The following TLN2 variants were observed in gnomAD, a reference collection of about 807,000 sequenced individuals.
TLN2 encodes talin 2.
A neutral mutation model predicts 294.7 loss-of-function variants in TLN2; 118 were observed. The ratio of observed to expected loss-of-function variants is 0.40; its 90% confidence interval spans 0.34 to 0.47. The LOEUF is 0.47. TLN2 is among the 20% of genes least tolerant of loss of function. The probability of loss-of-function intolerance (pLI) is 0.84; values close to 1 mark genes in which losing one functional copy is unlikely to be tolerated. For missense variants in TLN2, 3,083 were observed against 3,282.2 expected, an observed-to-expected ratio of 0.94 and a Z score of 1.48; for synonymous variants, 1,431 against 1,304.5, an observed-to-expected ratio of 1.10 and a Z score of -2.09.
intron 1 of TLN2, among the ~76,000 whole-genome samples, chr15:62,520,592 G>A (rs1442442901): frequency 6.6e-6 from 1 of 152,206 alleles, no homozygotes; most frequent in Non-Finnish European, 1.5e-5. Flanking sequence ...GGGACACTAA[G>A]TCAACCTTTT....
chr15:62,675,142 C>T lies in TLN2; in HGVS notation c.853-75C>T, dbSNP rs772685775. The T allele has an allele frequency of 9.8e-5, 133 of 1,361,026 alleles. 3 individuals carry two copies. The Admixed American group carries it at 1.4e-3, about 15-fold the overall frequency. The allele number at this position is 1,361,026 out of a possible 1,614,324, so 84.3% of individuals were successfully genotyped here. ...CCTAGCCATTTATCTCCACCACATACAGTAACTACCTCTCTCCAAGTCCAC... is the reference window on the plus strand; with the variant it reads ...CCTAGCCATTTATCTCCACCACATATAGTAACTACCTCTCTCCAAGTCCAC... On this transcript the variant is annotated intron_variant, in intron 10 of 58. Transcript: ENST00000636159.
At chr15:62,839,829 C>G (rs61612043) in intron 58 of TLN2, among the ~76,000 whole-genome samples, 6,397 of 152,308 alleles carry the variant, frequency 0.042, 216 homozygotes, top group African/African-American at 0.087. Flanking sequence ...GATCAAATAA[C>G]ACTGGAGAAT....
At chr15:62,457,060 C>G (rs986942773) in intron 1 of TLN2, among the ~76,000 whole-genome samples, 1 of 152,196 alleles carries the variant, frequency 6.6e-6, no homozygotes, top group African/African-American at 2.4e-5. Context: ...AGGGGAATCT[C>G]CCTGGGGAAG....
intron 42 of TLN2, among the ~76,000 whole-genome samples, chr15:62,773,360 T>C (rs1236503250): frequency 2.0e-5 from 3 of 151,890 alleles, no homozygotes; most frequent in Non-Finnish European, 2.9e-5. Context: ...TTTCTACCAG[T>C]GTGAAGTAGT....
intron 1 of TLN2, among the ~76,000 whole-genome samples, chr15:62,498,153 C>CAAAAAAAAA (rs538951284): frequency 5.3e-4 from 49 of 93,234 alleles, no homozygotes; most frequent in East Asian, 1.3e-3. Flanking sequence ...GACCCTGCCT[C>CAAAAAAAAA]AAAAAAAAAA....
chr15:62,396,974 GA>G (rs1210475141), intron 1 of TLN2, among the ~76,000 whole-genome samples: 2 of 152,000 alleles, frequency 1.3e-5, no homozygotes, highest in African/African-American at 4.8e-5. Context: ...CAAAATGCTG[GA>G]ATTACAGGCA....
chr15:62,435,376 A>G (rs972030433), intron 1 of TLN2, among the ~76,000 whole-genome samples: 1 of 152,150 alleles, frequency 6.6e-6, no homozygotes, highest in African/African-American at 2.4e-5. Context: ...AATTTACACT[A>G]CCACCAACAG....
chr15:62,621,467 G>C (rs1334958537), intron 3 of TLN2, among the ~76,000 whole-genome samples: 2 of 152,212 alleles, frequency 1.3e-5, no homozygotes, highest in African/African-American at 4.8e-5. Context: ...TAAATATACA[G>C]TATCTTGGTG....
intron 54 of TLN2, among the ~76,000 whole-genome samples, chr15:62,826,716 CA>C (rs34621101): frequency 0.77 from 116,517 of 151,058 alleles, 45,068 homozygotes; most frequent in Non-Finnish European, 0.81. Context: ...CTTGCAACAA[CA>C]AAAAAAAAAG....
At chr15:62,404,575 C>T (rs1466304973) in intron 1 of TLN2, among the ~76,000 whole-genome samples, 1 of 152,160 alleles carries the variant, frequency 6.6e-6, no homozygotes, top group East Asian at 1.9e-4. Context: ...ATTAAATCTC[C>T]TCTTCTTTCT....
At chr15:62,833,705 G>C in intron 55 of TLN2, 76 bp downstream of exon 55, 1 of 1,555,068 alleles carries the variant, frequency 6.4e-7, no homozygotes, top group African/African-American at 1.4e-5. Context: ...AGAGCTACAA[G>C]CTTTTGTCCT....
intron 27 of TLN2, among the ~76,000 whole-genome samples, 172 bp downstream of exon 27, chr15:62,725,276 T>C (rs980398506): frequency 3.7e-4 from 56 of 152,336 alleles, no homozygotes; most frequent in African/African-American, 1.3e-3. Context: ...TTTGGAGTTA[T>C]GAGCGCTGGA....
At chr15:62,622,112 A>C (rs1385361026) in intron 3 of TLN2, among the ~76,000 whole-genome samples, 6 of 152,094 alleles carry the variant, frequency 3.9e-5, no homozygotes, top group Non-Finnish European at 5.9e-5. Flanking sequence ...GCAAAGGGAA[A>C]CATTACCAGT....
intron 1 of TLN2, among the ~76,000 whole-genome samples, chr15:62,490,341 A>G (rs1267090087): frequency 1.3e-5 from 2 of 152,148 alleles, no homozygotes; most frequent in Admixed American, 6.5e-5. Context: ...TAATGCTTGA[A>G]CTTACTTATG....
rs554878253 is a variant in TLN2 at position 62,748,763 on chromosome 15, A to T, written c.4119+319A>T. Among the ~76,000 whole-genome samples, 4 of 152,314 alleles carry T rather than the reference A, an allele frequency of 2.6e-5. No homozygotes were observed. In the East Asian group the frequency reaches 7.7e-4, roughly 29 times the overall value. Reference sequence around the variant, plus strand: ...CTGTGATGTTGGGTGTAGGCTGAAGATCAGCAATTTTTACCTAAAAAATAT... The same window carrying T: ...CTGTGATGTTGGGTGTAGGCTGAAGTTCAGCAATTTTTACCTAAAAAATAT... On this transcript the variant is annotated intron_variant, in intron 33 of 58. Coordinates refer to ENST00000636159, the MANE Select transcript of TLN2 (RefSeq NM_015059.3).
intron 1 of TLN2, among the ~76,000 whole-genome samples, chr15:62,412,657 C>T (rs1252009051): frequency 1.3e-5 from 2 of 152,318 alleles, no homozygotes; most frequent in East Asian, 3.9e-4. Context: ...AGGTTTACAT[C>T]ATACCAGCAG....
At chr15:62,821,670 C>T (rs114951017) in intron 54 of TLN2, among the ~76,000 whole-genome samples, 25 of 152,250 alleles carry the variant, frequency 1.6e-4, no homozygotes, top group East Asian at 1.5e-3. Context: ...GGCACTTAAA[C>T]GTTTTCTCAT....
intron 1 of TLN2, among the ~76,000 whole-genome samples, chr15:62,426,011 G>T (rs2034685699): frequency 6.6e-6 from 1 of 152,212 alleles, no homozygotes; most frequent in African/African-American, 2.4e-5. Context: ...TCATTAGTGG[G>T]TGAGGGAATG....
At chr15:62,445,188 C>G (rs1342279961) in intron 1 of TLN2, among the ~76,000 whole-genome samples, 3 of 152,120 alleles carry the variant, frequency 2.0e-5, no homozygotes, top group Non-Finnish European at 4.4e-5. Context: ...AGGTGTGACC[C>G]AGCTGACTCC....
Sources: allele counts gnomAD v4.1 joint callset (sites outside exome capture counted in the v4.1 genomes callset), GRCh38; gene constraint gnomAD v4.1.1; transcripts MANE v1.5; gene names NCBI Gene and HGNC (gene_info 2026-07-23, HGNC 2026-07-21).